Variants in TMC3 observed in about 807,000 individuals in gnomAD.
TMC3 encodes transmembrane channel-like protein 3.
A neutral mutation model predicts 110.6 loss-of-function variants in TMC3; 98 were observed. That is an observed-to-expected ratio of 0.89 (90% CI 0.75 to 1.05). TMC3 has a LOEUF of 1.05. TMC3 is among the 50% of genes least tolerant of loss of function. The pLI, the probability that TMC3 is intolerant of heterozygous loss-of-function variation, is 0.00. For synonymous variants in TMC3, 489 were observed against 513.1 expected (o/e 0.95, Z 0.63); for missense variants, 1,319 against 1,373.2 (o/e 0.96, Z 0.62).
At chr15:81,343,368 G>A in intron 14 of TMC3, 23 bp from the exon 15 acceptor site, 3 of 1,534,792 alleles carry the variant, frequency 2.0e-6, no homozygotes, top group Non-Finnish European at 2.7e-6. Context: ...ATAAACTTGT[G>A]CATTAAACAA....
chr15:81,368,292 C>T lies in TMC3; in HGVS notation c.273G>A (p.Arg91=), dbSNP rs755318849. 2.5e-6 allele frequency: 4 copies of T among 1,613,640 alleles called. 1 individual carries two copies. In the South Asian group the frequency reaches 4.4e-5, roughly 18 times the overall value. ...CTTGGTAGCCTCGGGTCCTGGTCAG[C>T]CTCCCTTCAAACTTCAGCACAATGT... ...AKNIVLKFEG[R]LTRTRGYQAA... Residue 91 remains arginine (R), a synonymous_variant, in exon 3 of 22, where the codon AGG becomes AGA. Coordinates refer to ENST00000359440, the MANE Select transcript of TMC3 (RefSeq NM_001080532.3).
chr15:81,366,996 T>C (rs999195346), intron 3 of TMC3, among the ~76,000 whole-genome samples: 3 of 152,148 alleles, frequency 2.0e-5, no homozygotes, highest in Non-Finnish European at 4.4e-5. Flanking sequence ...GCGATATAAA[T>C]CATCAAGGCT....
At chr15:81,337,591 G>C (rs1596079144) in intron 19 of TMC3, 1 of 562,492 alleles carries the variant, frequency 1.8e-6, no homozygotes, top group Non-Finnish European at 3.2e-6. Context: ...GCACTGAAAG[G>C]CTCGAGGCAG....
At position 81,341,393 on chromosome 15, in the gene TMC3, GA is replaced by G. The variant is rs772577623; in HGVS notation, c.1840del (p.Ser614GlnfsTer33). 4 of 1,609,886 alleles carry G rather than the reference GA, an allele frequency of 2.5e-6. No homozygotes were observed. The highest frequency in any genetic ancestry group is 3.4e-6 in the Non-Finnish European group (4 of 1,177,890). On this transcript the variant is annotated frameshift_variant, in exon 16 of 22. Coordinates refer to ENST00000359440, the MANE Select transcript of TMC3 (RefSeq NM_001080532.3). LOFTEE classifies it high-confidence loss of function. ...NVPHQQVFRA[S>X]RSNNFYLAML... ...ATCAGATCTTATTCTTACTCACCTT[GA>G]GGCTCGAAATACTTGCTGGTGGGGC...
chr15:81,359,942 A>C (rs548382921), intron 4 of TMC3, among the ~76,000 whole-genome samples: 13 of 152,188 alleles, frequency 8.5e-5, no homozygotes, highest in Non-Finnish European at 1.8e-4. Flanking sequence ...GTACACGGGA[A>C]TTCTCTTTCC....
chr15:81,336,758 T>C, intron 19 of TMC3, 107 bp from the exon 20 acceptor site: 1 of 1,197,974 alleles, frequency 8.3e-7, no homozygotes, highest in South Asian at 1.2e-5. Context: ...GTTCTTACCT[T>C]GGACCATAAC....
Position 81,339,436 on chromosome 15 carries a change from G to A in TMC3, c.1913C>T (p.Ala638Val), listed in dbSNP as rs1336955598. The change falls in exon 17 of 22, where the codon GCT (alanine) becomes GTT (valine). Residue 638 changes from alanine (A) to valine (V), a missense_variant. By Grantham distance (64) the Ala-to-Val change is moderately conservative (BLOSUM62 0). Coordinates refer to ENST00000359440, the MANE Select transcript of TMC3 (RefSeq NM_001080532.3). ...TAGAGATGGCTTGTATCGGACAATA[G>A]CAAAAATGGTTGGCAGCATGCACAG... is the stretch of plus-strand genomic sequence containing the variant. ...LFLCMLPTIF[A>V]IVRYKPSLNC... is the part of the protein sequence containing the mutation. The A allele has an allele frequency of 6.2e-7, 1 of 1,611,432 alleles. No individual in the cohort carries two copies. The highest frequency in any genetic ancestry group is 1.1e-5 in the South Asian group (1 of 90,186).
intron 2 of TMC3, among the ~76,000 whole-genome samples, chr15:81,372,348 TGACACA>T (rs758536084): frequency 1.6e-4 from 12 of 74,946 alleles, no homozygotes; most frequent in Non-Finnish European, 6.0e-5. Flanking sequence ...TCTGTCTCTC[TGACACA>T]CACACACACA....
At chr15:81,360,521 A>C (rs903800323) in intron 4 of TMC3, among the ~76,000 whole-genome samples, 6 of 152,172 alleles carry the variant, frequency 3.9e-5, no homozygotes, top group Non-Finnish European at 8.8e-5. Context: ...GTCTAAGGTA[A>C]GGTTTCCTAG....
chr15:81,369,360 A>T (rs1894385378), intron 2 of TMC3, among the ~76,000 whole-genome samples: 1 of 151,988 alleles, frequency 6.6e-6, no homozygotes, highest in South Asian at 2.1e-4. Context: ...TCTCCATCTT[A>T]ATAGCCCAGC....
rs1202542823 is a variant in TMC3 at position 81,351,830 on chromosome 15, A to T, written c.947T>A (p.Ile316Asn). The change falls in exon 10 of 22, where the codon ATC becomes AAC. Residue 316 changes from isoleucine to asparagine, a missense_variant. Physicochemically the swap from Ile to Asn is moderately radical, Grantham distance 149. Coordinates refer to ENST00000359440, the MANE Select transcript of TMC3 (RefSeq NM_001080532.3). The part of the protein sequence containing the change: ...KKKSKNLAVT[I>N]CLRIIANILV... ...GATGTTGGCAATAATCCTCAGGCAG[A>T]TGGTCACTGCCCTGGGGAGAGAAAC... 4 of 1,612,346 alleles carry T rather than the reference A, an allele frequency of 2.5e-6. No homozygotes were observed. In the Admixed American group the frequency reaches 6.7e-5, roughly 27 times the overall value.
chr15:81,365,620 G>A (rs1231113826), intron 3 of TMC3, among the ~76,000 whole-genome samples: 2 of 145,650 alleles, frequency 1.4e-5, no homozygotes, highest in Non-Finnish European at 3.0e-5. Flanking sequence ...GCAGTGAGCC[G>A]AGATTGTGCC....
chr15:81,354,850 C>T (rs1476614825), intron 9 of TMC3, among the ~76,000 whole-genome samples: 7 of 149,124 alleles, frequency 4.7e-5, no homozygotes, highest in Non-Finnish European at 2.9e-5. Context: ...AAAATAACAA[C>T]ATGGCACAGT....
intron 10 of TMC3, among the ~76,000 whole-genome samples, chr15:81,351,070 G>C (rs183144598): frequency 4.6e-5 from 7 of 152,322 alleles, no homozygotes; most frequent in Admixed American, 2.6e-4. Context: ...CAGGAATGTG[G>C]AACATGGATG....
rs760133687 is a variant in TMC3, at chr15:81,358,162, T to C, written c.730A>G (p.Ile244Val). ...GMAVFAYSFI[I>V]LLKKMAKNSR... ...GAGCAGTCATACTTTTTTAAAAGAA[T>C]GATGAAGCTGTAAGCAAACACTGCC... Residue 244 changes from isoleucine (I) to valine (V), a missense_variant, in exon 7 of 22, where the codon ATT (isoleucine) becomes GTT (valine). By Grantham distance (29) the Ile-to-Val change is conservative. Coordinates refer to ENST00000359440, the MANE Select transcript of TMC3 (RefSeq NM_001080532.3). The C allele has an allele frequency of 7.5e-6, 12 of 1,597,950 alleles. No individual in the cohort carries two copies. In the African/African-American group the frequency reaches 1.4e-4, roughly 18 times the overall value.
chr15:81,352,809 T>G (rs1287644346), intron 9 of TMC3, among the ~76,000 whole-genome samples: 2 of 152,192 alleles, frequency 1.3e-5, no homozygotes, highest in African/African-American at 2.4e-5. Flanking sequence ...GTCTTTTGTT[T>G]GTTTGTTTTT....
In TMC3 at chr15:81,344,990, T is replaced by C; in HGVS notation, c.1294A>G (p.Thr432Ala). The change falls in exon 13 of 22, where the codon ACA becomes GCA. Residue 432 changes from threonine (T) to alanine (A), a missense_variant. Coordinates refer to ENST00000359440, the MANE Select transcript of TMC3 (RefSeq NM_001080532.3). ...SIEEMATKNN[T>A]SHWIDSTTFF... is the part of the protein sequence containing the mutation. ...GTGGTGGAATCTATCCAATGACTTG[T>C]GTTATTTTTGGTAGCCATTTCCTGG... 1 of 1,585,778 alleles carries C rather than the reference T, an allele frequency of 6.3e-7. No individual in the cohort carries two copies. Among genetic ancestry groups the C allele is most frequent in the African/African-American group, 1.3e-5 (1 of 74,508 alleles).
In TMC3 at chr15:81,332,566, C is replaced by T; in HGVS notation, c.3156G>A (p.Gln1052=). 6.2e-7 allele frequency: 1 copy of T among 1,614,006 alleles called. No individual in the cohort carries two copies. ...DSVSAASSSD[Q]QNSSADQYLQ... The stretch of plus-strand genomic sequence containing the variant: ...GGTACTGGTCAGCGCTGCTGTTCTG[C>T]TGGTCACTGCTGGATGCTGCCGACA... Residue 1052 remains glutamine, a synonymous_variant, in exon 22 of 22, where the codon CAG becomes CAA. Coordinates refer to ENST00000359440, the MANE Select transcript of TMC3 (RefSeq NM_001080532.3).
chr15:81,338,919 A>G, intron 17 of TMC3, 139 bp from the exon 18 acceptor site: 1 of 914,294 alleles, frequency 1.1e-6, no homozygotes, highest in Non-Finnish European at 1.7e-6. Flanking sequence ...AATATGGAGG[A>G]TGGAAGATGG....
Sources: gnomAD v4.1 joint callset for allele counts (sites outside exome capture counted in the v4.1 genomes callset) on GRCh38, gnomAD v4.1.1 for gene constraint, MANE v1.5 for transcripts, NCBI Gene and HGNC (gene_info 2026-07-23, HGNC 2026-07-21) for gene names.